Variants in FAM149B1 observed in about 807,000 individuals in gnomAD.
FAM149B1 encodes the protein primary cilium assembly protein FAM149B1.
FAM149B1 carries 56 observed loss-of-function variants against 75.3 expected under a neutral mutation model. That is an observed-to-expected ratio of 0.74 (90% CI 0.60 to 0.93). The LOEUF is 0.93. Ranked by LOEUF, FAM149B1 falls within the 40% of genes least tolerant of loss-of-function variation. The pLI, the probability that FAM149B1 is intolerant of heterozygous loss-of-function variation, is 0.00. For synonymous variants in FAM149B1, 259 were observed against 256.1 expected (o/e 1.01, Z -0.11); for missense variants, 639 against 708.4 (o/e 0.90, Z 1.11).
rs1009522816 is a variant in FAM149B1 at position 73,234,770 on chromosome 10, A to G, written c.1353-47A>G. 4.5e-6 allele frequency: 7 copies of G among 1,544,476 alleles called. No individual in the cohort carries two copies. In the African/African-American group the frequency reaches 5.5e-5, roughly 12 times the overall value. ...TTCTAATCAATTTGCTGGTATTGTT[A>G]TAACTTCATGCTTTCATACCTTCGT... is the stretch of plus-strand genomic sequence containing the variant. On this transcript the variant is annotated intron_variant, in intron 10 of 13. Transcript: ENST00000242505.
At position 73,208,628 on chromosome 10, in the gene FAM149B1, A is replaced by T. The variant is rs2133365257; in HGVS notation, c.552A>T (p.Ile184=). Residue 184 remains isoleucine, a synonymous_variant, in exon 6 of 14, where the codon ATA becomes ATT. Transcript: ENST00000242505. ...SQERDSTIFG[I]RGKKLHFSSS... is the part of the protein sequence containing the mutation. ...TTTTTTCCACTCCAAGATTTGGTAT[A>T]AGGGGAAAGAAGTTACATTTTTCAT... 2 of 1,519,568 alleles carry T rather than the reference A, an allele frequency of 1.3e-6. No individual in the cohort carries two copies. Among genetic ancestry groups the T allele is most frequent in the South Asian group, 2.5e-5 (2 of 79,296 alleles). 94.1% of individuals were successfully genotyped at this position (1,519,568 alleles called of 1,614,324 possible). A position where few individuals can be genotyped will look rare whatever the true frequency, so the allele number is the denominator to read the frequency against.
chr10:73,224,638 T>C (rs1191472683), intron 7 of FAM149B1, among the ~76,000 whole-genome samples: 2 of 151,620 alleles, frequency 1.3e-5, no homozygotes, highest in African/African-American at 2.4e-5. Flanking sequence ...CACCCAGCTA[T>C]TTTTTGTATT....
At chr10:73,229,723 G>C (rs556707461) in intron 8 of FAM149B1, among the ~76,000 whole-genome samples, 1 of 152,302 alleles carries the variant, frequency 6.6e-6, no homozygotes, top group African/African-American at 2.4e-5. Flanking sequence ...TGAATAGTTA[G>C]ACGTTCTGGT....
Position 73,241,035 on chromosome 10 carries a change from T to C in FAM149B1, c.*16T>C, listed in dbSNP as rs369415918. 1 of 1,425,472 alleles carries C rather than the reference T, an allele frequency of 7.0e-7. No individual in the cohort carries two copies. The highest frequency in any genetic ancestry group is 9.6e-7 in the Non-Finnish European group (1 of 1,036,534). The allele number at this position is 1,425,472 out of a possible 1,614,324, so 88.3% of individuals were successfully genotyped here. On this transcript the variant is annotated 3_prime_UTR_variant, in exon 14 of 14. Transcript: ENST00000242505. Reference sequence around the variant, plus strand: ...GGGACCATAAGGCAAATGAGAAGAATCTATCAGGCTGCAGGAAACACGAGA... The same window carrying C: ...GGGACCATAAGGCAAATGAGAAGAACCTATCAGGCTGCAGGAAACACGAGA...
rs1253907819 is a variant in FAM149B1 at position 73,210,472 on chromosome 10, A to C, written c.898+34A>C. ...CTTTGTGAAAATAATGTAAAAATCA[A>C]TTGTTTATGATTTCTAAACCCTAAC... On this transcript the variant is annotated intron_variant, in intron 7 of 13. Transcript: ENST00000242505. 3.5e-6 allele frequency: 5 copies of C among 1,413,036 alleles called. No homozygotes were observed. The African/African-American group carries it at 7.2e-5, about 20-fold the overall frequency. 87.5% of individuals were successfully genotyped at this position (1,413,036 alleles called of 1,614,324 possible).
chr10:73,168,829 A>T (rs1843570959), intron 1 of FAM149B1: 1 of 161,762 alleles, frequency 6.2e-6, no homozygotes, highest in South Asian at 1.6e-4. Flanking sequence ...AGATTGTAGC[A>T]TGCCAAAGAT....
chr10:73,225,106 A>C (rs1039811151), intron 7 of FAM149B1, among the ~76,000 whole-genome samples: 2 of 152,272 alleles, frequency 1.3e-5, no homozygotes, highest in African/African-American at 4.8e-5. Flanking sequence ...ATATAAAAAT[A>C]CAGCATAAAC....
chr10:73,214,841 T>A (rs2043261017), intron 7 of FAM149B1, among the ~76,000 whole-genome samples: 1 of 152,180 alleles, frequency 6.6e-6, no homozygotes, highest in Non-Finnish European at 1.5e-5. Context: ...CCCTCCTTTT[T>A]AATTTTTTTG....
intron 8 of FAM149B1, among the ~76,000 whole-genome samples, chr10:73,228,410 G>GT (rs1464571003): frequency 6.6e-6 from 1 of 152,202 alleles, no homozygotes; most frequent in Non-Finnish European, 1.5e-5. Flanking sequence ...GGAGGCATCT[G>GT]TAAGTTGTGC....
At chr10:73,216,935 T>C (rs928850691) in intron 7 of FAM149B1, among the ~76,000 whole-genome samples, 20 of 152,202 alleles carry the variant, frequency 1.3e-4, no homozygotes, top group Non-Finnish European at 2.9e-5. Flanking sequence ...GTTTATGCCT[T>C]TCATAATCCC....
rs116834749 is a variant in FAM149B1 at position 73,198,203 on chromosome 10, A to T, written c.542+4610A>T. On this transcript the variant is annotated intron_variant, in intron 5 of 13. Transcript: ENST00000242505. Reference sequence around the variant, plus strand: ...TTACTTATACCATATACAAAAATTAACTCAAAATAGATCAAAGACCTAAAT... The same window carrying T: ...TTACTTATACCATATACAAAAATTATCTCAAAATAGATCAAAGACCTAAAT... Among the ~76,000 whole-genome samples, 650 of 152,290 alleles carry T rather than the reference A, an allele frequency of 4.3e-3. 4 individuals are homozygous for T. Among genetic ancestry groups the T allele is most frequent in the African/African-American group, 0.015 (603 of 41,558 alleles).
intron 7 of FAM149B1, among the ~76,000 whole-genome samples, chr10:73,218,782 C>T (rs2043347749): frequency 6.6e-6 from 1 of 152,104 alleles, no homozygotes; most frequent in African/African-American, 2.4e-5. Flanking sequence ...ATCTTTCATC[C>T]TCTAGAGAGA....
intron 7 of FAM149B1, among the ~76,000 whole-genome samples, chr10:73,224,386 C>T (rs1198774273): frequency 1.3e-5 from 2 of 152,076 alleles, no homozygotes; most frequent in Non-Finnish European, 2.9e-5. Context: ...CAGAAACTAC[C>T]CACATGTCCA....
chr10:73,244,061 A>C lies in FAM149B1; in HGVS notation c.*3042A>C. ...GAATAGACAAAATGAATCGAATTAC[A>C]TAACTATGTCATTCATTAAATGGCA... On this transcript the variant is annotated 3_prime_UTR_variant, in exon 14 of 14. Coordinates refer to ENST00000242505, the MANE Select transcript of FAM149B1 (RefSeq NM_173348.2). 1.5e-6 allele frequency: 1 copy of C among 681,968 alleles called. No individual in the cohort carries two copies. The highest frequency in any genetic ancestry group is 2.9e-5 in the East Asian group (1 of 34,898). 42.2% of individuals were successfully genotyped at this position (681,968 alleles called of 1,614,324 possible).
At chr10:73,231,633 T>G (rs1303898978) in intron 9 of FAM149B1, among the ~76,000 whole-genome samples, 1 of 137,502 alleles carries the variant, frequency 7.3e-6, no homozygotes, top group African/African-American at 3.1e-5. Context: ...AATGAGCTAT[T>G]TTGGGAGTGA....
intron 7 of FAM149B1, among the ~76,000 whole-genome samples, chr10:73,217,886 T>A (rs1333829820): frequency 6.6e-6 from 1 of 152,152 alleles, no homozygotes; most frequent in Non-Finnish European, 1.5e-5. Context: ...CAAAATACAT[T>A]CACCTCACTC....
At chr10:73,193,717 T>C (rs906873995) in intron 5 of FAM149B1, 124 bp downstream of exon 5, 34 of 917,532 alleles carry the variant, frequency 3.7e-5, no homozygotes, top group Non-Finnish European at 5.0e-5. Context: ...GCATAGCAAA[T>C]TCTGTAAGAT....
rs544787711 is a variant in FAM149B1 at position 73,173,436 on chromosome 10, G to A, written c.48-1251G>A. 2.7e-5 allele frequency among the ~76,000 whole-genome samples: 4 copies of A among 148,302 alleles called. No individual in the cohort carries two copies. The South Asian group carries it at 8.6e-4, about 32-fold the overall frequency. ...AATACGACTATAAATCAAGATAGCT[G>A]TTTCATCCCCACCAAGGAACTTCAC... On this transcript the variant is annotated intron_variant, in intron 1 of 13. Coordinates refer to ENST00000242505, the MANE Select transcript of FAM149B1 (RefSeq NM_173348.2).
intron 7 of FAM149B1, among the ~76,000 whole-genome samples, chr10:73,213,466 G>T (rs2043234640): frequency 6.6e-6 from 1 of 152,086 alleles, no homozygotes; most frequent in African/African-American, 2.4e-5. Flanking sequence ...CAGGTCTTGG[G>T]TTTAAGTCTT....
Sources: gnomAD v4.1 joint callset for allele counts (sites outside exome capture counted in the v4.1 genomes callset) on GRCh38, gnomAD v4.1.1 for gene constraint, MANE v1.5 for transcripts, NCBI Gene and HGNC (gene_info 2026-07-23, HGNC 2026-07-21) for gene names.